DNAH14: variants seen among roughly 807,000 people sequenced by gnomAD.
DNAH14 encodes the protein axonemal beta dynein heavy chain 14.
Under a neutral mutation model 520.9 loss-of-function variants are expected in DNAH14, and 478 were observed. The ratio of observed to expected loss-of-function variants is 0.92; its 90% CI spans 0.85 to 0.99. The LOEUF is 0.99. Among genes scored for constraint, DNAH14 ranks in the 50% least tolerant of loss-of-function variants. The pLI is 0.00. For synonymous variants in DNAH14, 1,581 were observed against 1,757.2 expected (o/e 0.90, Z 2.51); for missense variants, 4,831 against 5,234.5 (o/e 0.92, Z 2.38).
rs952815017 is a variant in DNAH14 at position 225,307,554 on chromosome 1, A to G, written c.9099A>G (p.Val3033=). ...AGCTCTTGATTCTTGGCCCTCAAGT[A>G]GAACAAAAAACAAAGGTATGTTTGC... ...QEELLILGPQ[V]EQKTKETETL... is the part of the protein sequence containing the mutation. The change falls in exon 59 of 86, where the codon GTA becomes GTG. Residue 3033 remains valine (V), a synonymous_variant. Coordinates refer to ENST00000682510, the MANE Select transcript of DNAH14 (RefSeq NM_001367479.1). 2 of 1,539,272 alleles carry G rather than the reference A, an allele frequency of 1.3e-6. No homozygotes were observed. The highest frequency in any genetic ancestry group is 2.2e-5 in the Admixed American group (1 of 46,020).
intron 55 of DNAH14, among the ~76,000 whole-genome samples, chr1:225,296,509 G>GT (rs71281019): frequency 0.17 from 24,058 of 137,702 alleles, 2,154 homozygotes; most frequent in East Asian, 0.31. Context: ...GTGGTGGGTG[G>GT]TTTTTTTTTT....
chr1:225,249,703 G>A (rs1419285191), intron 43 of DNAH14, among the ~76,000 whole-genome samples: 2 of 152,168 alleles, frequency 1.3e-5, no homozygotes, highest in African/African-American at 4.8e-5. Flanking sequence ...ATCAGTTTTA[G>A]AATATTTTCG....
chr1:225,218,240 C>T (rs2089636020), intron 41 of DNAH14, among the ~76,000 whole-genome samples: 1 of 152,114 alleles, frequency 6.6e-6, no homozygotes, highest in South Asian at 2.1e-4. Flanking sequence ...TATGAAGAAA[C>T]TAATCAACTA....
intron 27 of DNAH14, among the ~76,000 whole-genome samples, chr1:225,132,910 GC>G (rs1320452438): frequency 6.6e-6 from 1 of 152,080 alleles, no homozygotes; most frequent in East Asian, 1.9e-4. Context: ...TTTAACAATA[GC>G]CATTCTGATT....
intron 59 of DNAH14, among the ~76,000 whole-genome samples, chr1:225,308,055 A>C (rs1461298256): frequency 6.6e-6 from 1 of 152,262 alleles, no homozygotes; most frequent in Non-Finnish European, 1.5e-5. Flanking sequence ...ATAGTGGATG[A>C]CAGAGCTTAT....
chr1:225,296,901 T>C (rs893985805), intron 55 of DNAH14, among the ~76,000 whole-genome samples: 3 of 152,160 alleles, frequency 2.0e-5, no homozygotes, highest in African/African-American at 7.2e-5. Context: ...TCTTGCCATT[T>C]TTAGAATCTT....
rs146151740 is a variant in DNAH14, at chr1:224,965,520, A to G, written c.498+911A>G. 4.4e-4 allele frequency among the ~76,000 whole-genome samples: 67 copies of G among 152,224 alleles called. 1 individual carries two copies. In the East Asian group the frequency reaches 0.013, roughly 28 times the overall value. On this transcript the variant is annotated intron_variant, in intron 5 of 85. Coordinates refer to ENST00000682510, the MANE Select transcript of DNAH14 (RefSeq NM_001367479.1). ...GTACCAAAGCATTGATAGATAATAC[A>G]TATATAAATGGATGTGACCGTGTTC...
Position 225,080,527 on chromosome 1 carries a change from A to G in DNAH14, c.2915A>G (p.His972Arg), listed in dbSNP as rs977096186. 6.4e-7 allele frequency: 1 copy of G among 1,551,668 alleles called. No individual in the cohort carries two copies. The highest frequency in any genetic ancestry group is 8.7e-7 in the Non-Finnish European group (1 of 1,146,906). ...GATTGTTTCAGTGATTCTCAATCTC[A>G]TATGCATTCTGTTAATGTGGAAGAA... ...YQDCFSDSQS[H>R]MHSVNVEEIT... Residue 972 changes from histidine to arginine, a missense_variant, in exon 19 of 86, where the codon CAT becomes CGT. By Grantham distance (29) the His-to-Arg change is conservative (BLOSUM62 0). Transcript: ENST00000682510.
intron 5 of DNAH14, among the ~76,000 whole-genome samples, chr1:224,966,079 A>G (rs1356028788): frequency 6.6e-6 from 1 of 152,166 alleles, no homozygotes; most frequent in Non-Finnish European, 1.5e-5. Flanking sequence ...AATTTAGAAT[A>G]TAGATAACTC....
At chr1:225,335,863 GTACATACACATA>G (rs1490996271) in intron 66 of DNAH14, among the ~76,000 whole-genome samples, 1 of 65,064 alleles carries the variant, frequency 1.5e-5, no homozygotes, top group African/African-American at 7.3e-5. Flanking sequence ...GTACATATAT[GTACATACACATA>G]TACATATATG....
intron 17 of DNAH14, among the ~76,000 whole-genome samples, chr1:225,057,559 C>A (rs1194112510): frequency 6.6e-6 from 1 of 152,106 alleles, no homozygotes; most frequent in African/African-American, 2.4e-5. Flanking sequence ...GAACTTCCAA[C>A]ACTATGTTGA....
chr1:225,342,184 T>A lies in DNAH14; in HGVS notation c.10678+1483T>A, dbSNP rs191590020. On this transcript the variant is annotated intron_variant, in intron 69 of 85. Transcript: ENST00000682510. ...AAAACAAATTAAAAGCTAGTTTTTTTAAAAAGGCAAAATTTTACCAATAGT... is the reference window on the plus strand; with the variant it reads ...AAAACAAATTAAAAGCTAGTTTTTTAAAAAAGGCAAAATTTTACCAATAGT... 6.6e-3 allele frequency among the ~76,000 whole-genome samples: 1,010 copies of A among 152,266 alleles called. 5 individuals carry two copies. Among genetic ancestry groups the A allele is most frequent in the African/African-American group, 0.013 (557 of 41,536 alleles).
rs977953595 is a variant in DNAH14 at position 225,206,014 on chromosome 1, C to A, written c.6021C>A (p.Thr2007=). 2 of 1,551,572 alleles carry A rather than the reference C, an allele frequency of 1.3e-6. No individual in the cohort carries two copies. The highest frequency in any genetic ancestry group is 2.0e-5 in the Admixed American group (1 of 50,986). The change falls in exon 40 of 86, where the codon ACC becomes ACA. Residue 2007 remains threonine (T), a synonymous_variant. Transcript: ENST00000682510. ...TTATCCTAGATGGCCCAGTGGACAC[C>A]TTTTGGGTAGAAAATCTGAACTCTG... ...QWIILDGPVD[T]FWVENLNSVL...
chr1:225,246,104 G>T, intron 43 of DNAH14, among the ~76,000 whole-genome samples: 1 of 66,504 alleles, frequency 1.5e-5, no homozygotes, highest in Admixed American at 2.1e-4. Context: ...GACAAACCTG[G>T]CAAAAAAAAA....
intron 38 of DNAH14, among the ~76,000 whole-genome samples, chr1:225,195,588 A>G (rs1292797228): frequency 6.6e-6 from 1 of 151,854 alleles, no homozygotes; most frequent in African/African-American, 2.4e-5. Flanking sequence ...TGTATACCAA[A>G]CCCCCGAGAC....
At chr1:225,054,722 A>G (rs1365609348) in intron 17 of DNAH14, among the ~76,000 whole-genome samples, 1 of 152,152 alleles carries the variant, frequency 6.6e-6, no homozygotes, top group Non-Finnish European at 1.5e-5. Context: ...GTCATTTATC[A>G]AAACATTATA....
intron 21 of DNAH14, among the ~76,000 whole-genome samples, chr1:225,095,519 G>C (rs952144239): frequency 2.0e-5 from 3 of 152,106 alleles, no homozygotes; most frequent in Non-Finnish European, 4.4e-5. Flanking sequence ...GTGGGAGAAG[G>C]GTGAGGATAA....
chr1:224,944,808 T>C (rs1266847902), intron 1 of DNAH14, among the ~76,000 whole-genome samples: 1 of 152,232 alleles, frequency 6.6e-6, no homozygotes, highest in African/African-American at 2.4e-5. Flanking sequence ...TTTAAGAATG[T>C]TAAATATTGA....
At chr1:225,284,098 A>G (rs1396301055) in intron 54 of DNAH14, among the ~76,000 whole-genome samples, 1 of 152,112 alleles carries the variant, frequency 6.6e-6, no homozygotes, top group African/African-American at 2.4e-5. Context: ...TTAGGAAAAT[A>G]CCAAAAGGAA....
Sources: allele counts gnomAD v4.1 joint callset (sites outside exome capture counted in the v4.1 genomes callset), GRCh38; gene constraint gnomAD v4.1.1; transcripts MANE v1.5; gene names NCBI Gene and HGNC (gene_info 2026-07-23, HGNC 2026-07-21).